Variants in TSPAN15 observed in about 807,000 individuals in gnomAD.
TSPAN15 encodes the protein tetraspanin-15.
Under a neutral mutation model 34.5 loss-of-function variants are expected in TSPAN15, and 20 were observed. The ratio of observed to expected loss-of-function variants is 0.58; its 90% CI spans 0.41 to 0.84. The LOEUF is 0.84. Among genes scored for constraint, TSPAN15 ranks in the 40% least tolerant of loss-of-function variants. TSPAN15 has a pLI of 0.00. For missense variants in TSPAN15, 313 were observed against 386.1 expected, an observed-to-expected ratio of 0.81 and a Z score of 1.59; for synonymous variants, 155 against 153.9, an observed-to-expected ratio of 1.01 and a Z score of -0.05.
intron 5 of TSPAN15, among the ~76,000 whole-genome samples, chr10:69,502,369 G>A (rs929403610): frequency 1.1e-4 from 17 of 152,238 alleles, no homozygotes; most frequent in African/African-American, 3.1e-4. Context: ...CAATTTTCAC[G>A]TACCTCCCCT....
intron 1 of TSPAN15, among the ~76,000 whole-genome samples, chr10:69,478,131 A>AGCAGTGTGCAGAGCAGGTG (rs1249590138): frequency 1.8e-4 from 24 of 135,460 alleles, no homozygotes; most frequent in African/African-American, 3.1e-4. Context: ...AAGCTGGGGC[A>AGCAGTGTGCAGAGCAGGTG]GCAGTGTGCA....
At chr10:69,526,060 C>T in the TSPAN15 span, among the ~76,000 whole-genome samples, 873 of 145,626 alleles carry the variant, frequency 6.0e-3, 58 homozygotes, top group African/African-American at 0.021. Flanking sequence ...AGAGTTCGCC[C>T]CCAAACAAGC....
downstream of TSPAN15, among the ~76,000 whole-genome samples, chr10:69,508,308 G>A (rs1445231472): frequency 6.6e-6 from 1 of 151,894 alleles, no homozygotes. Flanking sequence ...GGGCATGGTG[G>A]TGCGCGCCTG....
chr10:69,507,372 G>A lies in TSPAN15; in HGVS notation c.*394G>A, dbSNP rs1589658059. 4 of 1,212,648 alleles carry A rather than the reference G, an allele frequency of 3.3e-6. No individual in the cohort carries two copies. Among genetic ancestry groups the A allele is most frequent in the Admixed American group, 7.1e-5 (2 of 28,068 alleles). 75.1% of individuals were successfully genotyped at this position (1,212,648 alleles called of 1,614,324 possible). On this transcript the variant is annotated 3_prime_UTR_variant, in exon 8 of 8. Transcript: ENST00000373290. ...ATTGGGGAGAGGGAGTGTGCCCCTC[G>A]GGGCAGGAGGGAAGGGCATCTGGGG... is the stretch of plus-strand genomic sequence containing the variant.
intron 6 of TSPAN15, among the ~76,000 whole-genome samples, chr10:69,505,273 C>T (rs1469187338): frequency 6.6e-6 from 1 of 152,156 alleles, no homozygotes; most frequent in Non-Finnish European, 1.5e-5. Flanking sequence ...AGCTGTTTAA[C>T]ATAGTTCATC....
intron 1 of TSPAN15, among the ~76,000 whole-genome samples, chr10:69,456,824 C>T (rs1456148171): frequency 6.6e-6 from 1 of 152,188 alleles, no homozygotes; most frequent in East Asian, 1.9e-4. Flanking sequence ...ATAGGTATAC[C>T]CCTAAACCAC....
At chr10:69,515,740 C>G in the TSPAN15 span, among the ~76,000 whole-genome samples, 1 of 152,158 alleles carries the variant, frequency 6.6e-6, no homozygotes, top group African/African-American at 2.4e-5. Context: ...ATTTGCAGTC[C>G]TAAAGCCCAG....
rs376330202 is a variant in TSPAN15 at position 69,462,033 on chromosome 10, G to A, written c.96+10343G>A. On this transcript the variant is annotated intron_variant, in intron 1 of 7. Transcript: ENST00000373290. ...ACAGGGTCTTGCTCTGTCACCCAGA[G>A]CAAGTGGTCCAATCATGGCTCACTG... Among the ~76,000 whole-genome samples, 3 of 150,956 alleles carry A rather than the reference G, an allele frequency of 2.0e-5. No homozygotes were observed. In the East Asian group the frequency reaches 5.9e-4, roughly 30 times the overall value.
chr10:69,478,800 A>G (rs746316118), intron 1 of TSPAN15, among the ~76,000 whole-genome samples: 2 of 152,278 alleles, frequency 1.3e-5, no homozygotes, highest in Non-Finnish European at 2.9e-5. Flanking sequence ...AGCGCATTCA[A>G]TCACAAGATC....
the TSPAN15 span, among the ~76,000 whole-genome samples, chr10:69,538,026 T>A: frequency 6.6e-6 from 1 of 152,212 alleles, no homozygotes; most frequent in African/African-American, 2.4e-5. Flanking sequence ...TCTCACTCTG[T>A]CCTCATGTGG....
intron 1 of TSPAN15, among the ~76,000 whole-genome samples, chr10:69,465,722 G>A (rs970783483): frequency 1.1e-4 from 16 of 152,154 alleles, no homozygotes; most frequent in African/African-American, 3.6e-4. Context: ...AGACTTACCA[G>A]CTTCCTTCCT....
At chr10:69,480,112 G>A (rs753944203) in intron 1 of TSPAN15, among the ~76,000 whole-genome samples, 7 of 152,182 alleles carry the variant, frequency 4.6e-5, no homozygotes, top group Non-Finnish European at 7.4e-5. Context: ...TGGGGAGCTT[G>A]TAAAAATAGA....
intron 3 of TSPAN15, among the ~76,000 whole-genome samples, chr10:69,493,610 C>G (rs1278144328): frequency 3.3e-5 from 5 of 151,886 alleles, no homozygotes; most frequent in Non-Finnish European, 7.4e-5. Context: ...GTAGCTGGGA[C>G]TACAGGCGCA....
At chr10:69,461,912 C>G (rs1325939973) in intron 1 of TSPAN15, among the ~76,000 whole-genome samples, 1 of 144,958 alleles carries the variant, frequency 6.9e-6, no homozygotes, top group East Asian at 2.1e-4. Flanking sequence ...ATGTCCACCA[C>G]CCCCCCGCCA....
chr10:69,500,485 A>G (rs1413610472), intron 5 of TSPAN15, among the ~76,000 whole-genome samples: 2 of 152,212 alleles, frequency 1.3e-5, no homozygotes, highest in African/African-American at 2.4e-5. Flanking sequence ...AAGTCCCAAG[A>G]TCTGCAGGGT....
chr10:69,462,732 C>G (rs979982765), intron 1 of TSPAN15, among the ~76,000 whole-genome samples: 1 of 152,220 alleles, frequency 6.6e-6, no homozygotes, highest in Non-Finnish European at 1.5e-5. Context: ...TCTGATGGTA[C>G]TGGCGATTTC....
Position 69,483,667 on chromosome 10 carries a change from T to A in TSPAN15, c.97-24T>A, listed in dbSNP as rs1841786458. 3.1e-6 allele frequency: 5 copies of A among 1,608,338 alleles called. No individual in the cohort carries two copies. The South Asian group carries it at 5.5e-5, about 18-fold the overall frequency. On this transcript the variant is annotated intron_variant, in intron 1 of 7. Transcript: ENST00000373290. ...AAATCAAGTGACCTCAGTCTCTCTC[T>A]CACCCTCTGTTTTCTTGCTGCAGCT...
the TSPAN15 span, among the ~76,000 whole-genome samples, chr10:69,516,422 C>T: frequency 2.2e-3 from 334 of 152,322 alleles, no homozygotes; most frequent in Middle Eastern, 0.014. Flanking sequence ...CCCAGCAGTG[C>T]CTCCACCTGG....
the TSPAN15 span, among the ~76,000 whole-genome samples, chr10:69,530,820 C>CTCTCTCTATATA: frequency 2.6e-4 from 8 of 30,774 alleles, no homozygotes; most frequent in South Asian, 1.3e-3. Context: ...CTCTCTCTCT[C>CTCTCTCTATATA]TATATATATA....
Sources: gnomAD v4.1 joint callset for allele counts (sites outside exome capture counted in the v4.1 genomes callset) on GRCh38, gnomAD v4.1.1 for gene constraint, MANE v1.5 for transcripts, NCBI Gene and HGNC (gene_info 2026-07-23, HGNC 2026-07-21) for gene names.